The following OTUD7B variants were observed in gnomAD, a reference collection of about 807,000 sequenced individuals.
OTUD7B encodes the protein OTU deubiquitinase 7B, also known as OTU domain-containing protein 7B.
A neutral mutation model predicts 82.2 loss-of-function variants in OTUD7B; 34 were observed. The observed-to-expected ratio is 0.41, with a 90% CI of 0.31 to 0.55. OTUD7B has a LOEUF of 0.55. Ranked by LOEUF, OTUD7B falls within the 20% of genes least tolerant of loss-of-function variation. The pLI is 0.20. For missense variants in OTUD7B, 944 were observed against 1,062.1 expected (o/e 0.89, Z 1.55); for synonymous variants, 398 against 402.7 (o/e 0.99, Z 0.14).
intron 1 of OTUD7B, among the ~76,000 whole-genome samples, chr1:150,004,701 G>A (rs1318008266): frequency 3.3e-5 from 5 of 151,482 alleles, no homozygotes; most frequent in Non-Finnish European, 7.4e-5. Context: ...TTTCACTACT[G>A]CTCACTGCCA....
chr1:150,002,684 T>C (rs1553785146), intron 1 of OTUD7B, among the ~76,000 whole-genome samples: 2 of 152,196 alleles, frequency 1.3e-5, no homozygotes. Flanking sequence ...AATTCTAGAC[T>C]AAGCTATCAC....
Position 149,940,740 on chromosome 1 carries a change from T to A in OTUD7B, c.*3117A>T, listed in dbSNP as rs1161153607. 3 of 152,182 alleles carry A rather than the reference T, an allele frequency of 2.0e-5. No homozygotes were observed. The highest frequency in any genetic ancestry group is 1.3e-4 in the Admixed American group (2 of 15,276). The allele number at this position is 152,182 out of a possible 1,614,324, so 9.4% of individuals were successfully genotyped here. A position where few individuals can be genotyped will look rare whatever the true frequency, so the allele number is the denominator to read the frequency against. On this transcript the variant is annotated 3_prime_UTR_variant, in exon 12 of 12. Transcript: ENST00000581312. ...CTGCCCATTTCGAGTGCAGGCCATA[T>A]GCCCCTTCTTTCCTTCTCCCCAACC...
chr1:150,027,083 G>C, the OTUD7B span, among the ~76,000 whole-genome samples: 2 of 152,042 alleles, frequency 1.3e-5, no homozygotes, highest in Non-Finnish European at 2.9e-5. Context: ...TAAATCAAAG[G>C]TATTACATTG....
At chr1:150,035,132 G>A in the OTUD7B span, among the ~76,000 whole-genome samples, 3 of 80,294 alleles carry the variant, frequency 3.7e-5, no homozygotes, top group African/African-American at 1.1e-4. Flanking sequence ...CAACAAGAGC[G>A]AAACTTCATC....
chr1:150,015,485 T>A (rs1213726058), upstream of OTUD7B, among the ~76,000 whole-genome samples: 5 of 151,668 alleles, frequency 3.3e-5, no homozygotes, highest in African/African-American at 9.7e-5. Flanking sequence ...GTAGAGATGT[T>A]GGCCAGGATG....
chr1:149,992,511 T>C (rs1651662214), intron 1 of OTUD7B, among the ~76,000 whole-genome samples: 1 of 119,296 alleles, frequency 8.4e-6, no homozygotes, highest in African/African-American at 3.0e-5. Context: ...AGTCTCACTC[T>C]GTCACCCAGG....
At chr1:149,986,061 C>A (rs982597315) in intron 1 of OTUD7B, among the ~76,000 whole-genome samples, 3 of 152,118 alleles carry the variant, frequency 2.0e-5, no homozygotes, top group Non-Finnish European at 2.9e-5. Context: ...CTACTTCTAC[C>A]ATAATGTTTA....
In OTUD7B at chr1:150,004,133, G is replaced by T. The variant is rs191935969; in HGVS notation, c.-67+6315C>A. 1.7e-3 allele frequency among the ~76,000 whole-genome samples: 261 copies of T among 151,666 alleles called. 2 individuals are homozygous for T. The highest frequency in any genetic ancestry group is 1.8e-3 in the Non-Finnish European group (119 of 67,936). ...TCTTTTTCACTCTTTCCTCTCCTTA[G>T]CCTACCCTCCACAACTCTAACTCGG... On this transcript the variant is annotated intron_variant, in intron 1 of 11. Transcript: ENST00000581312.
chr1:150,038,163 T>C, the OTUD7B span, among the ~76,000 whole-genome samples: 1 of 152,206 alleles, frequency 6.6e-6, no homozygotes, highest in African/African-American at 2.4e-5. Context: ...CCAGCTAAAC[T>C]GGTGCTGTAA....
chr1:149,986,785 A>G (rs1224291287), intron 1 of OTUD7B, among the ~76,000 whole-genome samples: 6 of 152,220 alleles, frequency 3.9e-5, no homozygotes, highest in Non-Finnish European at 5.9e-5. Context: ...CTTTCACATA[A>G]TTCTTGATTA....
chr1:149,961,082 T>C (rs73008195), intron 6 of OTUD7B: 17,996 of 150,900 alleles, frequency 0.12, 1,670 homozygotes, highest in African/African-American at 0.26. Flanking sequence ...AAGCCTACTT[T>C]CTGGCCCCTA....
At chr1:149,954,925 T>G (rs1179324777) in intron 7 of OTUD7B, among the ~76,000 whole-genome samples, 6 of 152,238 alleles carry the variant, frequency 3.9e-5, no homozygotes, top group Non-Finnish European at 7.3e-5. Context: ...TATTTGATTC[T>G]TCTCTCTTTT....
At chr1:149,951,328 T>C (rs1444484688) in intron 7 of OTUD7B, among the ~76,000 whole-genome samples, 1 of 152,074 alleles carries the variant, frequency 6.6e-6, no homozygotes, top group African/African-American at 2.4e-5. Context: ...ATGGTCTTGA[T>C]CTCCTGACCT....
intron 2 of OTUD7B, among the ~76,000 whole-genome samples, chr1:149,971,712 C>T (rs1649953758): frequency 6.6e-6 from 1 of 152,218 alleles, no homozygotes; most frequent in African/African-American, 2.4e-5. Context: ...AGATCATGGG[C>T]TTGTGCATTT....
chr1:149,950,763 C>T (rs1310993405), intron 7 of OTUD7B, among the ~76,000 whole-genome samples: 7 of 148,930 alleles, frequency 4.7e-5, no homozygotes, highest in African/African-American at 1.7e-4. Flanking sequence ...CGTGATTTAA[C>T]CAATTCCATC....
At chr1:149,983,106 T>C (rs969955605) in intron 1 of OTUD7B, among the ~76,000 whole-genome samples, 1 of 152,042 alleles carries the variant, frequency 6.6e-6, no homozygotes, top group African/African-American at 2.4e-5. Flanking sequence ...CCACCCGCCT[T>C]GGCCTCCCAA....
At chr1:150,001,845 G>A (rs587775328) in intron 1 of OTUD7B, among the ~76,000 whole-genome samples, 1 of 152,254 alleles carries the variant, frequency 6.6e-6, no homozygotes, top group South Asian at 2.1e-4. Context: ...TTTGAGGAAG[G>A]CCTATCAATG....
chr1:150,021,326 G>A, the OTUD7B span, among the ~76,000 whole-genome samples: 3 of 152,152 alleles, frequency 2.0e-5, no homozygotes, highest in Admixed American at 6.5e-5. Flanking sequence ...CCTAGAGGCT[G>A]GGAGGACTGG....
the OTUD7B span, among the ~76,000 whole-genome samples, chr1:150,022,881 C>A: frequency 6.6e-6 from 1 of 152,156 alleles, no homozygotes; most frequent in African/African-American, 2.4e-5. Context: ...GTCTCTTTAC[C>A]CAGCAGCAGC....
Sources: allele counts gnomAD v4.1 joint callset (sites outside exome capture counted in the v4.1 genomes callset), GRCh38; gene constraint gnomAD v4.1.1; transcripts MANE v1.5; gene names NCBI Gene and HGNC (gene_info 2026-07-23, HGNC 2026-07-21).